The following NBPF3 variants were observed in gnomAD, a reference collection of about 807,000 sequenced individuals.
The protein encoded by NBPF3 is NBPF member 3.
Under a neutral mutation model 78.1 loss-of-function variants are expected in NBPF3, and 57 were observed. The observed-to-expected ratio is 0.73, with a 90% CI of 0.59 to 0.91. The LOEUF is 0.91. NBPF3 is among the 40% of genes least tolerant of loss of function. NBPF3 has a pLI of 0.00. For missense variants in NBPF3, 510 were observed against 715.3 expected (o/e 0.71, Z 3.27); for synonymous variants, 182 against 271.7 (o/e 0.67, Z 3.25).
upstream of NBPF3, among the ~76,000 whole-genome samples, chr1:21,437,042 G>C (rs372152144): frequency 5.3e-5 from 8 of 151,250 alleles, no homozygotes; most frequent in African/African-American, 1.7e-4. Flanking sequence ...TGGGCAGCTG[G>C]GGGTGGGTGC....
At chr1:21,468,493 G>C (rs1248457139) in intron 2 of NBPF3, 195 bp from the exon 3 acceptor site, 1 of 1,447,960 alleles carries the variant, frequency 6.9e-7, no homozygotes, top group East Asian at 2.5e-5. Context: ...GCTATTGGCA[G>C]TGCCTTCAGC....
At chr1:21,470,341 G>A (rs1019858505) in intron 3 of NBPF3, among the ~76,000 whole-genome samples, 9 of 152,208 alleles carry the variant, frequency 5.9e-5, no homozygotes, top group Non-Finnish European at 1.3e-4. Flanking sequence ...AAGTGGCCCC[G>A]CATTCAGAGT....
intron 2 of NBPF3, among the ~76,000 whole-genome samples, chr1:21,456,232 A>G (rs1193863925): frequency 6.6e-6 from 1 of 152,218 alleles, no homozygotes; most frequent in Non-Finnish European, 1.5e-5. Context: ...AATTCACACA[A>G]TCAATGACAC....
intron 2 of NBPF3, among the ~76,000 whole-genome samples, chr1:21,458,696 A>G (rs1641776812): frequency 6.6e-6 from 1 of 152,248 alleles, no homozygotes; most frequent in African/African-American, 2.4e-5. Context: ...TTTCATTTAT[A>G]GAAAATGGTT....
chr1:21,471,918 A>C, intron 5 of NBPF3, 135 bp downstream of exon 5: 1 of 1,252,204 alleles, frequency 8.0e-7, no homozygotes, highest in Non-Finnish European at 1.1e-6. Flanking sequence ...CATAAGTGAC[A>C]TAACCAGGAC....
At chr1:21,474,206 T>C (rs1233117318) in intron 7 of NBPF3, among the ~76,000 whole-genome samples, 5 of 73,896 alleles carry the variant, frequency 6.8e-5, no homozygotes, top group Non-Finnish European at 9.5e-5. Flanking sequence ...TTCTTTTTCT[T>C]TTTCTTTTTT....
chr1:21,449,881 C>A, intron 2 of NBPF3: 2 of 671,792 alleles, frequency 3.0e-6, no homozygotes, highest in Non-Finnish European at 3.7e-6. Flanking sequence ...CTGAAACAGC[C>A]ACATAAAGTT....
chr1:21,444,063 G>C (rs1388289584), intron 1 of NBPF3, among the ~76,000 whole-genome samples: 1 of 152,122 alleles, frequency 6.6e-6, no homozygotes, highest in African/African-American at 2.4e-5. Flanking sequence ...CCGGCAATTA[G>C]AGATTTTGTC....
chr1:21,450,640 G>A (rs1641256828), intron 2 of NBPF3, among the ~76,000 whole-genome samples: 1 of 152,096 alleles, frequency 6.6e-6, no homozygotes, highest in South Asian at 2.1e-4. Flanking sequence ...CTCCCCTAAG[G>A]TTCCCAAATT....
At chr1:21,472,507 C>T (rs1642655941) in intron 5 of NBPF3, among the ~76,000 whole-genome samples, 1 of 152,202 alleles carries the variant, frequency 6.6e-6, no homozygotes, top group South Asian at 2.1e-4. Context: ...TGAACTGTGA[C>T]AGGACACCAA....
chr1:21,469,183 G>A (rs1384540210), intron 3 of NBPF3, among the ~76,000 whole-genome samples: 1 of 152,254 alleles, frequency 6.6e-6, no homozygotes, highest in South Asian at 2.1e-4. Flanking sequence ...AGGCTAAATC[G>A]TGTTTTCAAG....
Position 21,471,559 on chromosome 1 carries a change from C to T in NBPF3, c.447-10C>T. On this transcript the variant is annotated splice_polypyrimidine_tract_variant and intron_variant, in intron 4 of 14. Transcript: ENST00000318249. The stretch of plus-strand genomic sequence containing the variant: ...TCCACTGTTAAATTTTCTCTACTAT[C>T]TCACCTTAGGCAATATAAAGTCCTG... 1 of 1,611,880 alleles carries T rather than the reference C, an allele frequency of 6.2e-7. No homozygotes were observed. The highest frequency in any genetic ancestry group is 2.2e-4 in the Middle Eastern group (1 of 4,470).
In NBPF3 at chr1:21,468,738, G is replaced by A. The variant is rs201079583; in HGVS notation, c.184G>A (p.Gly62Ser). 2.1e-5 allele frequency: 34 copies of A among 1,613,486 alleles called. No individual in the cohort carries two copies. Among genetic ancestry groups the A allele is most frequent in the Admixed American group, 1.0e-4 (6 of 59,990 alleles). ...AAACGTCAGCATGGTGGTATCTGCC[G>A]GCCCTTGGTCCGGTGAGAAGGCAGA... ...ATNVSMVVSA[G>S]PWSGEKAEMN... The change falls in exon 3 of 15, where the codon GGC becomes AGC. Residue 62 changes from glycine to serine, a missense_variant. By Grantham distance (56) the Gly-to-Ser change is moderately conservative. This residue lies in a region of NBPF3 where 440 missense variants were observed against 478.2 expected (regional missense o/e 0.92). Coordinates refer to ENST00000318249, the MANE Select transcript of NBPF3 (RefSeq NM_032264.6).
At chr1:21,467,025 A>G in intron 2 of NBPF3, 10 of 985,032 alleles carry the variant, frequency 1.0e-5, no homozygotes, top group Non-Finnish European at 1.2e-5. Context: ...TGTGACCTCA[A>G]GTAAGCCACG....
chr1:21,481,073 A>C (rs1643199822), intron 12 of NBPF3, 92 bp downstream of exon 12: 1 of 1,151,496 alleles, frequency 8.7e-7, no homozygotes. Context: ...ATTATCGATT[A>C]CATGTTTTCA....
chr1:21,465,276 G>A (rs1166089050), intron 2 of NBPF3, among the ~76,000 whole-genome samples: 2 of 152,244 alleles, frequency 1.3e-5, no homozygotes, highest in Non-Finnish European at 2.9e-5. Flanking sequence ...CCCATAAACT[G>A]TAAGGTCAAT....
intron 2 of NBPF3, chr1:21,466,992 G>A (rs1642306767): frequency 1.1e-5 from 11 of 983,880 alleles, no homozygotes; most frequent in Non-Finnish European, 1.2e-5. Context: ...GCTTTTATTG[G>A]CAGTGCTGAA....
At chr1:21,474,850 G>C in intron 7 of NBPF3, 50 bp from the exon 8 acceptor site, 1 of 1,512,132 alleles carries the variant, frequency 6.6e-7, no homozygotes, top group Non-Finnish European at 9.1e-7. Context: ...TTGGTCATAT[G>C]TGGAGTGTGA....
At chr1:21,458,044 A>T (rs551647037) in intron 2 of NBPF3, among the ~76,000 whole-genome samples, 3 of 152,248 alleles carry the variant, frequency 2.0e-5, no homozygotes, top group African/African-American at 7.2e-5. Flanking sequence ...CTTCTAATCT[A>T]TAACTAAGGT....
Sources: gnomAD v4.1 joint callset for allele counts (sites outside exome capture counted in the v4.1 genomes callset) on GRCh38, gnomAD v4.1.1 for gene constraint, gnomAD v4.1.1 regional missense constraint, MANE v1.5 for transcripts, NCBI Gene and HGNC (gene_info 2026-07-23, HGNC 2026-07-21) for gene names.